Variants in FSTL5 observed in about 807,000 individuals in gnomAD.
The protein encoded by FSTL5 is follistatin-related protein 5.
FSTL5 carries 62 observed loss-of-function variants against 89.1 expected under a neutral mutation model. The ratio of observed to expected loss-of-function variants is 0.70; its 90% CI spans 0.57 to 0.86. FSTL5 has a LOEUF of 0.86. Ranked by LOEUF, FSTL5 falls within the 40% of genes least tolerant of loss-of-function variation. FSTL5 has a pLI of 0.00. For synonymous variants in FSTL5, 383 were observed against 346.2 expected (o/e 1.11, Z -1.18); for missense variants, 1,057 against 1,001.6 (o/e 1.06, Z -0.75).
intron 8 of FSTL5, among the ~76,000 whole-genome samples, chr4:161,569,572 T>C (rs1248146391): frequency 6.6e-6 from 1 of 152,096 alleles, no homozygotes; most frequent in Non-Finnish European, 1.5e-5. Flanking sequence ...AGATACCAAG[T>C]AGCAACTGAA....
chr4:161,541,930 T>C (rs1435226206), intron 9 of FSTL5, among the ~76,000 whole-genome samples: 1 of 151,918 alleles, frequency 6.6e-6, no homozygotes, highest in Non-Finnish European at 1.5e-5. Flanking sequence ...TGGTTTTGTT[T>C]ATTTTCCACA....
intron 15 of FSTL5, among the ~76,000 whole-genome samples, chr4:161,440,208 G>T (rs1732712280): frequency 6.6e-6 from 1 of 152,012 alleles, no homozygotes; most frequent in Admixed American, 6.6e-5. Flanking sequence ...ACATGTAAGA[G>T]ATTCGCCAAC....
chr4:161,910,606 C>A (rs1330271391), intron 4 of FSTL5, among the ~76,000 whole-genome samples: 1 of 152,122 alleles, frequency 6.6e-6, no homozygotes, highest in East Asian at 1.9e-4. Context: ...CATACTCAAT[C>A]TGTGGCAAAT....
At chr4:161,488,556 T>C (rs1729757843) in intron 12 of FSTL5, among the ~76,000 whole-genome samples, 1 of 152,250 alleles carries the variant, frequency 6.6e-6, no homozygotes. Flanking sequence ...CTCAATGTAG[T>C]GTCCAAGGGT....
At chr4:161,602,272 AG>A (rs2126626367) in intron 7 of FSTL5, among the ~76,000 whole-genome samples, 1 of 151,174 alleles carries the variant, frequency 6.6e-6, no homozygotes, top group Admixed American at 6.6e-5. Context: ...AGAGAGAGAG[AG>A]AGAGAGAGAG....
chr4:161,696,096 T>C (rs1738155253), intron 6 of FSTL5, among the ~76,000 whole-genome samples: 1 of 152,210 alleles, frequency 6.6e-6, no homozygotes, highest in Non-Finnish European at 1.5e-5. Flanking sequence ...TTTCAGGTCT[T>C]AGGTTTAAGT....
chr4:162,097,061 CT>C (rs905329151), intron 2 of FSTL5, among the ~76,000 whole-genome samples: 3 of 151,780 alleles, frequency 2.0e-5, no homozygotes, highest in Admixed American at 1.3e-4. Flanking sequence ...ACAGTTATAT[CT>C]TTTTTTACTA....
At chr4:162,013,404 CT>C (rs1736826678) in intron 3 of FSTL5, among the ~76,000 whole-genome samples, 1 of 152,060 alleles carries the variant, frequency 6.6e-6, no homozygotes, top group Non-Finnish European at 1.5e-5. Flanking sequence ...CTCCTGGTTT[CT>C]TTCTGTTTCC....
intron 5 of FSTL5, among the ~76,000 whole-genome samples, chr4:161,772,290 A>G (rs1437167013): frequency 6.6e-6 from 1 of 152,164 alleles, no homozygotes; most frequent in African/African-American, 2.4e-5. Flanking sequence ...CTTTGCTAAG[A>G]ATAGTTTGTA....
rs975065694 is a variant in FSTL5 at position 161,510,396 on chromosome 4, A to C, written c.1339+2T>G. On this transcript the variant is annotated splice_donor_variant, in intron 11 of 15. Coordinates refer to ENST00000306100, the MANE Select transcript of FSTL5 (RefSeq NM_020116.5). LOFTEE classifies it high-confidence loss of function. ...CAACATAAAAATAATTCAACTTAGT[A>C]CCTTCTTCTCTCCATAATATGTTAG... is the stretch of plus-strand genomic sequence containing the variant. The C allele has an allele frequency of 5.9e-6, 9 of 1,531,712 alleles. No homozygotes were observed. The highest frequency in any genetic ancestry group is 7.9e-6 in the Non-Finnish European group (9 of 1,137,718). The allele number at this position is 1,531,712 out of a possible 1,614,324, so 94.9% of individuals were successfully genotyped here.
chr4:161,807,579 C>T (rs184452483), intron 4 of FSTL5, among the ~76,000 whole-genome samples: 1 of 152,138 alleles, frequency 6.6e-6, no homozygotes, highest in Admixed American at 6.5e-5. Context: ...GGTCATAGGT[C>T]TCTGCAGCAA....
chr4:161,672,059 C>A (rs992187975), intron 6 of FSTL5, among the ~76,000 whole-genome samples: 1 of 152,128 alleles, frequency 6.6e-6, no homozygotes, highest in Non-Finnish European at 1.5e-5. Flanking sequence ...TCAAATGTAT[C>A]TTTAACCAGT....
At chr4:161,843,182 A>C (rs1441517231) in intron 4 of FSTL5, among the ~76,000 whole-genome samples, 1 of 152,066 alleles carries the variant, frequency 6.6e-6, no homozygotes, top group Non-Finnish European at 1.5e-5. Context: ...AGGTTCTAAA[A>C]AGTTAGGTGA....
At chr4:161,587,884 T>G (rs1237616085) in intron 7 of FSTL5, among the ~76,000 whole-genome samples, 1 of 152,126 alleles carries the variant, frequency 6.6e-6, no homozygotes, top group African/African-American at 2.4e-5. Context: ...ATTTTTAAGA[T>G]TAGAACAGGC....
At chr4:161,865,876 ACTTCTCTTTCC>A (rs1235170081) in intron 4 of FSTL5, among the ~76,000 whole-genome samples, 2 of 152,228 alleles carry the variant, frequency 1.3e-5, no homozygotes, top group Non-Finnish European at 2.9e-5. Flanking sequence ...TATTTAGTGG[ACTTCTCTTTCC>A]AGCTGCTGCA....
rs1735697448 is a variant in FSTL5, at chr4:161,977,637, A to T, written c.160+55988T>A. On this transcript the variant is annotated intron_variant, in intron 3 of 15. Transcript: ENST00000306100. Reference sequence around the variant, plus strand: ...CAAAAAAAAAAAAAAAAAAAAAAAAAAAAATAATAATAATAATAATAATAA... The same window carrying T: ...CAAAAAAAAAAAAAAAAAAAAAAAATAAAATAATAATAATAATAATAATAA... Among the ~76,000 whole-genome samples the T allele has an allele frequency of 3.1e-5, 4 of 129,068 alleles. 1 individual carries two copies. The highest frequency in any genetic ancestry group is 2.4e-4 in the East Asian group (1 of 4,126). The allele number at this position is 129,068 out of a possible 152,430, so 84.7% of individuals were successfully genotyped here. A position where few individuals can be genotyped will look rare whatever the true frequency, so the allele number is the denominator to read the frequency against.
At chr4:161,892,504 G>T (rs1733019782) in intron 4 of FSTL5, among the ~76,000 whole-genome samples, 1 of 151,910 alleles carries the variant, frequency 6.6e-6, no homozygotes, top group Admixed American at 6.6e-5. Flanking sequence ...AAGACATTTT[G>T]ATCCCAACTT....
intron 6 of FSTL5, among the ~76,000 whole-genome samples, chr4:161,748,352 A>G (rs555974718): frequency 8.5e-5 from 13 of 152,264 alleles, no homozygotes; most frequent in Admixed American, 3.9e-4. Flanking sequence ...ACATATGTAC[A>G]TATATTTATT....
rs916755188 is a variant in FSTL5, at chr4:161,699,259, G to A, written c.728-42765C>T. ...TTTTTAAAACTTTTCATATTAAATC[G>A]TGCCTTTTTGTGAACCTATGATGTA... On this transcript the variant is annotated intron_variant, in intron 6 of 15. Coordinates refer to ENST00000306100, the MANE Select transcript of FSTL5 (RefSeq NM_020116.5). Among the ~76,000 whole-genome samples, 10 of 152,118 alleles carry A rather than the reference G, an allele frequency of 6.6e-5. No homozygotes were observed. The South Asian group carries it at 8.3e-4, about 13-fold the overall frequency.
Sources: gnomAD v4.1 joint callset for allele counts (sites outside exome capture counted in the v4.1 genomes callset) on GRCh38, gnomAD v4.1.1 for gene constraint, MANE v1.5 for transcripts, NCBI Gene and HGNC (gene_info 2026-07-23, HGNC 2026-07-21) for gene names.